ADAR: variants seen among roughly 807,000 people sequenced by gnomAD.
The protein encoded by ADAR is adenosine deaminase RNA specific, also known as double-stranded RNA-specific adenosine deaminase.
ADAR carries 41 observed loss-of-function variants against 113.2 expected under a neutral mutation model. That is an observed-to-expected ratio of 0.36 (90% CI 0.28 to 0.47). The LOEUF is 0.47. Ranked by LOEUF, ADAR falls within the 20% of genes least tolerant of loss-of-function variation. The probability of loss-of-function intolerance (pLI) is 1.00; values close to 1 mark genes in which losing one functional copy is unlikely to be tolerated. For synonymous variants in ADAR, 605 were observed against 572.6 expected (o/e 1.06, Z -0.81); for missense variants, 1,242 against 1,540.9 (o/e 0.81, Z 3.25).
rs768515003 is a variant in ADAR, at chr1:154,601,918, G to A, written c.724C>T (p.Leu242Phe). 1.9e-6 allele frequency: 3 copies of A among 1,614,104 alleles called. No individual in the cohort carries two copies. Among genetic ancestry groups the A allele is most frequent in the Non-Finnish European group, 2.5e-6 (3 of 1,180,018 alleles). Residue 242 changes from leucine to phenylalanine, a missense_variant, in exon 2 of 15, where the codon CTT (leucine) becomes TTT (phenylalanine). Leu to Phe is a conservative substitution (Grantham distance 22, BLOSUM62 0). Coordinates refer to ENST00000368474, the MANE Select transcript of ADAR (RefSeq NM_001111.5). This position sits in a 1 kb window ranked among gnomAD's most constrained non-coding sequence, Gnocchi z 4.7. ...GCTGAGACTGCAATAAAAGGCTCAA[G>A]AAGATCTTCTGAGACAGATGTGGAG... ...RNSTSVSEDL[L>F]EPFIAVSAQA...
Position 154,626,117 on chromosome 1 carries a change from A to G in ADAR, c.-871+1738T>C, listed in dbSNP as rs1039983714. 1.3e-4 allele frequency among the ~76,000 whole-genome samples: 13 copies of G among 98,520 alleles called. No individual in the cohort carries two copies. In the Admixed American group the frequency reaches 1.5e-3, roughly 12 times the overall value. The allele number at this position is 98,520 out of a possible 152,430, so 64.6% of individuals were successfully genotyped here. On this transcript the variant is annotated intron_variant, in intron 1 of 14. Transcript: ENST00000368471. ...TAAAATGAGAAGCTATAATTAATAA[A>G]GTGAGTTTTTTTTTTTTTGAGATAC...
At chr1:154,598,087 T>A in intron 3 of ADAR, 111 bp from the exon 4 acceptor site, 1 of 1,331,058 alleles carries the variant, frequency 7.5e-7, no homozygotes, top group East Asian at 2.5e-5. Flanking sequence ...TGTCAAGGGG[T>A]TGGCTTCCCA....
rs777129140 is a variant in ADAR at position 154,588,187 on chromosome 1, G to A, written c.2957C>T (p.Ser986Phe). The A allele has an allele frequency of 1.2e-6, 2 of 1,614,058 alleles. No individual in the cohort carries two copies. The highest frequency in any genetic ancestry group is 3.3e-5 in the Admixed American group (2 of 60,026). Residue 986 changes from serine (S) to phenylalanine (F), a missense_variant, in exon 11 of 15, where the codon TCC becomes TTC. Physicochemically the swap from Ser to Phe is radical, Grantham distance 155 (BLOSUM62 -2). Around this residue, in one of 2 missense-constraint regions of ADAR, gnomAD observed 780 missense variants for 1,057.9 expected, o/e 0.74. Transcript: ENST00000368474. ...ATTCTCGAAGACAGGGTAGTGGCGG[G>A]ATTCTGTGCTTTCCATAGCACGGTC... ...CSDRAMESTESRHYPVFENPK... is the reference protein window; with the variant it reads ...CSDRAMESTEFRHYPVFENPK...
In ADAR at chr1:154,589,747, C is replaced by A; in HGVS notation, c.2668+10G>T. 6.2e-7 allele frequency: 1 copy of A among 1,614,114 alleles called. No homozygotes were observed. Among genetic ancestry groups the A allele is most frequent in the Non-Finnish European group, 8.5e-7 (1 of 1,180,026 alleles). On this transcript the variant is annotated intron_variant, in intron 8 of 14. Coordinates refer to ENST00000368474, the MANE Select transcript of ADAR (RefSeq NM_001111.5). ...CCATGGGAGGCGGCATGTCTCAGAGCCTCACTCACCTGTTCCCAAGCTGAC... is the reference window on the plus strand; with the variant it reads ...CCATGGGAGGCGGCATGTCTCAGAGACTCACTCACCTGTTCCCAAGCTGAC...
chr1:154,614,189 C>T (rs1254982626), intron 1 of ADAR, among the ~76,000 whole-genome samples: 3 of 152,306 alleles, frequency 2.0e-5, no homozygotes, highest in South Asian at 2.1e-4. Context: ...TACATTCAGT[C>T]GGATAACTAC....
Position 154,584,860 on chromosome 1 carries a change from C to T in ADAR, c.3627G>A (p.Gly1209=). ...CCTCCTGGGGTTTGCTAATCCAGTT[C>T]CCATAGCCCATATCCTTCAGGCCTT... ...FKKGLKDMGY[G]NWISKPQEEK... is the part of the protein sequence containing the mutation. The change falls in exon 15 of 15, where the codon GGG becomes GGA. Residue 1209 remains glycine, a synonymous_variant. Coordinates refer to ENST00000368474, the MANE Select transcript of ADAR (RefSeq NM_001111.5). The T allele has an allele frequency of 5.0e-6, 8 of 1,614,172 alleles. No individual in the cohort carries two copies. Among genetic ancestry groups the T allele is most frequent in the Non-Finnish European group, 6.8e-6 (8 of 1,180,036 alleles).
intron 1 of ADAR, 53 bp downstream of exon 1, chr1:154,607,939 A>C (rs2101669727): frequency 6.2e-7 from 1 of 1,610,126 alleles, no homozygotes; most frequent in East Asian, 2.2e-5. Context: ...AAAGCCTGTG[A>C]GGTTGTAAAC....
At chr1:154,610,163 G>A (rs1295936727), upstream of ADAR, among the ~76,000 whole-genome samples, 2 of 152,182 alleles carry the variant, frequency 1.3e-5, no homozygotes, top group Non-Finnish European at 2.9e-5. Context: ...CATCTGATTA[G>A]ACCAGGTGGC....
In ADAR at chr1:154,598,522, T is replaced by C; in HGVS notation, c.1665A>G (p.Lys555=). The C allele has an allele frequency of 6.2e-7, 1 of 1,614,222 alleles. No individual in the cohort carries two copies. The highest frequency in any genetic ancestry group is 8.5e-7 in the Non-Finnish European group (1 of 1,180,032). ...TCATAGCTGCATCCTGCTTGGCCAC[T>C]TTCTTGCTTCCAGCTTCAGCTGGGG... ...EFPPAEAGSK[K]VAKQDAAMKA... is the part of the protein sequence containing the mutation. The change falls in exon 3 of 15, where the codon AAA becomes AAG. Residue 555 remains lysine, a synonymous_variant. Transcript: ENST00000368474.
intron 1 of ADAR, chr1:154,627,802 G>A (rs1698988116): frequency 5.8e-6 from 3 of 514,670 alleles, no homozygotes; most frequent in South Asian, 1.4e-5. Context: ...AGGCCGCATG[G>A]GCCGCGCGTT....
Position 154,597,185 on chromosome 1 carries a change from C to T in ADAR, c.2017G>A (p.Ala673Thr), listed in dbSNP as rs372601265. Residue 673 changes from alanine to threonine, a missense_variant, in exon 5 of 15, where the codon GCA becomes ACA. Ala to Thr is a moderately conservative substitution (Grantham distance 58). This residue lies in a region of ADAR where 780 missense variants were observed against 1,057.9 expected (regional missense o/e 0.74). Transcript: ENST00000368474. ...TGCAGGGCCTTCATGGCTTCCTCTG[C>T]GGCCATCTGCTTTGCCACTTTCTTG... ...PSKKVAKQMA[A>T]EEAMKALHGE... The T allele has an allele frequency of 6.2e-7, 1 of 1,614,238 alleles. No individual in the cohort carries two copies. The highest frequency in any genetic ancestry group is 8.5e-7 in the Non-Finnish European group (1 of 1,180,040).
In ADAR at chr1:154,607,722, TACACACACACGC is replaced by T. The variant is rs71077960; in HGVS notation, c.15+258_15+269del. On this transcript the variant is annotated intron_variant, in intron 1 of 14. Transcript: ENST00000368474. ...AACCAGCAATGCTGCTTGGCAAGAC[TACACACACACGC>T]ACACACACACACACACACTCTCACA... 0.29 allele frequency among the ~76,000 whole-genome samples: 42,373 copies of T among 146,042 alleles called. 6,092 individuals carry two copies. The highest frequency in any genetic ancestry group is 0.31 in the Non-Finnish European group (20,679 of 67,054).
At chr1:154,604,328 G>A (rs187493543) in intron 1 of ADAR, among the ~76,000 whole-genome samples, 15 of 152,208 alleles carry the variant, frequency 9.9e-5, no homozygotes, top group Non-Finnish European at 2.1e-4. Flanking sequence ...GCATGACCCC[G>A]GTGAAGCTGC....
rs192351092 is a variant in ADAR at position 154,584,535 on chromosome 1, A to G, written c.*271T>C. On this transcript the variant is annotated 3_prime_UTR_variant, in exon 15 of 15. Coordinates refer to ENST00000368474, the MANE Select transcript of ADAR (RefSeq NM_001111.5). ...AATGGACCGCAGGTGCTCAGTGACT[A>G]TGTATGCTTTGGGTAGAAAGAAAAG... 4 of 459,288 alleles carry G rather than the reference A, an allele frequency of 8.7e-6. No homozygotes were observed. In the East Asian group the frequency reaches 1.2e-4, roughly 13 times the overall value. 28.5% of individuals were successfully genotyped at this position (459,288 alleles called of 1,614,324 possible). A position where few individuals can be genotyped will look rare whatever the true frequency, so the allele number is the denominator to read the frequency against.
At chr1:154,615,324 G>T (rs574014797) in intron 1 of ADAR, among the ~76,000 whole-genome samples, 3 of 152,206 alleles carry the variant, frequency 2.0e-5, no homozygotes, top group African/African-American at 7.2e-5. Context: ...TTTGCTAGGC[G>T]AGATAGGAGT....
At chr1:154,613,517 T>G (rs1698548443) in intron 1 of ADAR, among the ~76,000 whole-genome samples, 1 of 150,948 alleles carries the variant, frequency 6.6e-6, no homozygotes, top group Admixed American at 6.6e-5. Context: ...ACTCCTGATC[T>G]CAGGTGATCC....
At chr1:154,591,997 A>C (rs1404930610) in intron 6 of ADAR, among the ~76,000 whole-genome samples, 2 of 152,222 alleles carry the variant, frequency 1.3e-5, no homozygotes, top group African/African-American at 2.4e-5. Context: ...TGTGTTTGAA[A>C]AGAATATGAA....
At chr1:154,619,665 TC>T (rs1698734844) in intron 1 of ADAR, among the ~76,000 whole-genome samples, 1 of 152,156 alleles carries the variant, frequency 6.6e-6, no homozygotes, top group Non-Finnish European at 1.5e-5. Flanking sequence ...GCATGAACCT[TC>T]CCTTATGAAG....
At chr1:154,615,577 T>C (rs1698611779) in intron 1 of ADAR, among the ~76,000 whole-genome samples, 1 of 151,860 alleles carries the variant, frequency 6.6e-6, no homozygotes, top group South Asian at 2.1e-4. Flanking sequence ...GCTTGGCTAA[T>C]TAAAAAAATT....
Sources: gnomAD v4.1 joint callset for allele counts (sites outside exome capture counted in the v4.1 genomes callset) on GRCh38, gnomAD v4.1.1 for gene constraint, gnomAD v4.1.1 regional missense constraint, Gnocchi (gnomAD v3.1) non-coding constraint, MANE v1.5 for transcripts, NCBI Gene and HGNC (gene_info 2026-07-23, HGNC 2026-07-21) for gene names.